The following CDH23 variants were observed in gnomAD, a reference collection of about 807,000 sequenced individuals.
CDH23 encodes the protein cadherin-23.
CDH23 carries 189 observed loss-of-function variants against 317.1 expected under a neutral mutation model. The observed-to-expected ratio is 0.60, with a 90% CI of 0.53 to 0.67. The LOEUF (loss-of-function observed/expected upper bound fraction) is 0.67, where lower values mean the gene tolerates loss of function less well. Ranked by LOEUF, CDH23 falls within the 30% of genes least tolerant of loss-of-function variation. The pLI is 0.00. For missense variants in CDH23, 4,401 were observed against 4,592.4 expected (o/e 0.96, Z 1.20); for synonymous variants, 1,839 against 1,876.8 (o/e 0.98, Z 0.52).
intron 1 of CDH23, among the ~76,000 whole-genome samples, chr10:71,416,549 G>A (rs757316011): frequency 1.3e-4 from 20 of 152,064 alleles, no homozygotes; most frequent in Non-Finnish European, 2.6e-4. Flanking sequence ...ATTCTTCATT[G>A]TATTTTACAT....
intron 14 of CDH23, chr10:71,647,050 G>A (rs1862928946): frequency 4.1e-6 from 4 of 985,462 alleles, no homozygotes; most frequent in Non-Finnish European, 4.8e-6. Flanking sequence ...GGCTGGACTT[G>A]CCCTTTGACA....
At chr10:71,675,325 G>C in intron 15 of CDH23, 149 bp downstream of exon 15, 1 of 666,094 alleles carries the variant, frequency 1.5e-6, no homozygotes, top group Middle Eastern at 4.0e-4. Flanking sequence ...GAACCCATGG[G>C]CACTGTGGCT....
At position 71,677,491 on chromosome 10, in the gene CDH23, T is replaced by G. The variant is rs1554854090; in HGVS notation, c.1550T>G (p.Leu517Arg). Residue 517 changes from leucine (L) to arginine (R), a missense_variant, in exon 16 of 70, where the codon CTG (leucine) becomes CGG (arginine). By Grantham distance (102) the Leu-to-Arg change is moderately radical (BLOSUM62 -2). Coordinates refer to ENST00000224721, the MANE Select transcript of CDH23 (RefSeq NM_022124.6). ...GACAAGGACACGGGACTCATCATGC[T>G]GATTGCCAGGCTGGACTATGAGCTC... Reference protein sequence around the residue: ...SLDKDTGLIMLIARLDYELIQ... With the variant: ...SLDKDTGLIMRIARLDYELIQ... 1 of 1,611,828 alleles carries G rather than the reference T, an allele frequency of 6.2e-7. No homozygotes were observed. Among genetic ancestry groups the G allele is most frequent in the Non-Finnish European group, 8.5e-7 (1 of 1,179,256 alleles).
At chr10:71,531,282 GC>G (rs1376644352) in intron 6 of CDH23, among the ~76,000 whole-genome samples, 1 of 152,164 alleles carries the variant, frequency 6.6e-6, no homozygotes, top group Non-Finnish European at 1.5e-5. Context: ...GACTCCCCCA[GC>G]TGCGGACCCT....
intron 1 of CDH23, among the ~76,000 whole-genome samples, chr10:71,433,904 C>G (rs1042258331): frequency 6.6e-6 from 1 of 151,362 alleles, no homozygotes; most frequent in Non-Finnish European, 1.5e-5. Flanking sequence ...CACCCATGCC[C>G]CCTACAGTGT....
chr10:71,811,197 T>C, intron 62 of CDH23, 118 bp from the exon 63 acceptor site: 1 of 1,460,728 alleles, frequency 6.8e-7, no homozygotes, highest in Non-Finnish European at 9.5e-7. Flanking sequence ...CCGGTGGACC[T>C]CAATCTTGCA....
chr10:71,807,506 C>T lies in CDH23; in HGVS notation c.8309-10C>T, dbSNP rs1221044153. 6.2e-7 allele frequency: 1 copy of T among 1,613,530 alleles called. No homozygotes were observed. The highest frequency in any genetic ancestry group is 8.5e-7 in the Non-Finnish European group (1 of 1,179,644). ...TGCCCCCTCACCCTGTGCCATGATC[C>T]CACCCTCAGCCGGCAACGAAGAGAA... On this transcript the variant is annotated splice_polypyrimidine_tract_variant and intron_variant, in intron 58 of 69. Transcript: ENST00000224721.
intron 6 of CDH23, among the ~76,000 whole-genome samples, chr10:71,524,502 C>T (rs565483655): frequency 6.6e-6 from 1 of 152,190 alleles, no homozygotes; most frequent in Non-Finnish European, 1.5e-5. Flanking sequence ...GGATGCCTTG[C>T]TCAGGGCTAC....
chr10:71,510,883 C>T, intron 4 of CDH23, 71 bp from the exon 5 acceptor site: 1 of 1,495,216 alleles, frequency 6.7e-7, no homozygotes, highest in Non-Finnish European at 9.3e-7. Context: ...CCTCCCGCCC[C>T]ATTTAGGGCC....
At chr10:71,554,796 C>T (rs2132325171) in intron 6 of CDH23, among the ~76,000 whole-genome samples, 1 of 152,176 alleles carries the variant, frequency 6.6e-6, no homozygotes, top group East Asian at 1.9e-4. Flanking sequence ...ATCTCCACCC[C>T]AGCTCTCTAT....
intron 11 of CDH23, among the ~76,000 whole-genome samples, chr10:71,638,904 G>A (rs1862398791): frequency 6.6e-6 from 1 of 152,000 alleles, no homozygotes; most frequent in Non-Finnish European, 1.5e-5. Context: ...GCAAGGTCTA[G>A]GGAAGTTGCG....
chr10:71,761,211 C>A (rs1214436990), intron 38 of CDH23, among the ~76,000 whole-genome samples: 1 of 152,202 alleles, frequency 6.6e-6, no homozygotes, highest in African/African-American at 2.4e-5. Flanking sequence ...CAGACACACA[C>A]ACGCATATAT....
At chr10:71,543,726 G>A (rs1856115007) in intron 6 of CDH23, among the ~76,000 whole-genome samples, 1 of 152,184 alleles carries the variant, frequency 6.6e-6, no homozygotes. Context: ...AGGCTCTATA[G>A]AGTTCAGGGG....
Position 71,511,610 on chromosome 10 carries a change from C to T in CDH23, c.429+398C>T, listed in dbSNP as rs187150422. Among the ~76,000 whole-genome samples the T allele has an allele frequency of 6.5e-3, 996 of 152,278 alleles. 7 individuals are homozygous for T. The highest frequency in any genetic ancestry group is 9.9e-3 in the Non-Finnish European group (670 of 68,020). ...TGCTTTGGCCAGAATCAGGTCCCTC[C>T]AGGACTCAGGGAGCATGCAGTTCTA... On this transcript the variant is annotated intron_variant, in intron 6 of 69. Coordinates refer to ENST00000224721, the MANE Select transcript of CDH23 (RefSeq NM_022124.6).
At chr10:71,591,570 G>T (rs1477961433) in intron 9 of CDH23, among the ~76,000 whole-genome samples, 2 of 152,098 alleles carry the variant, frequency 1.3e-5, no homozygotes, top group Non-Finnish European at 2.9e-5. Context: ...CTCCATGTGT[G>T]ATACCCTTAA....
chr10:71,703,811 C>T (rs560896366), intron 24 of CDH23, among the ~76,000 whole-genome samples: 12 of 152,326 alleles, frequency 7.9e-5, no homozygotes, highest in Admixed American at 2.0e-4. Flanking sequence ...GCCCCCAGAC[C>T]GGAGGGGAGG....
intron 20 of CDH23, 91 bp from the exon 21 acceptor site, chr10:71,694,056 C>T (rs2132713228): frequency 9.9e-7 from 1 of 1,005,670 alleles, no homozygotes; most frequent in South Asian, 1.3e-5. Flanking sequence ...AAGTTCTCAC[C>T]CTCTCTCCTT....
chr10:71,474,689 T>C (rs1190688721), intron 3 of CDH23, among the ~76,000 whole-genome samples: 1 of 152,168 alleles, frequency 6.6e-6, no homozygotes, highest in South Asian at 2.1e-4. Context: ...ACTTTCCCAT[T>C]GTGTTTCACA....
At chr10:71,753,620 C>T (rs150770727) in intron 38 of CDH23, among the ~76,000 whole-genome samples, 23 of 152,314 alleles carry the variant, frequency 1.5e-4, no homozygotes, top group South Asian at 6.2e-4. Context: ...AAGTTGCTGC[C>T]GCTTGCCTCA....
Sources: gnomAD v4.1 joint callset for allele counts (sites outside exome capture counted in the v4.1 genomes callset) on GRCh38, gnomAD v4.1.1 for gene constraint, MANE v1.5 for transcripts, NCBI Gene and HGNC (gene_info 2026-07-23, HGNC 2026-07-21) for gene names.